The following TNR variants were observed in gnomAD, a reference collection of about 807,000 sequenced individuals.
The protein encoded by TNR is tenascin R, also known as tenascin-R.
In TNR, 45 loss-of-function variants were observed where a neutral mutation model predicts 150.4. The ratio of observed to expected loss-of-function variants is 0.30; its 90% CI spans 0.24 to 0.38. The LOEUF (loss-of-function observed/expected upper bound fraction) is 0.38, where lower values mean the gene tolerates loss of function less well. TNR is among the 10% of genes least tolerant of loss of function. TNR has a pLI of 1.00. For missense variants in TNR, 1,544 were observed against 1,759.1 expected (o/e 0.88, Z 2.19); for synonymous variants, 687 against 678.4 (o/e 1.01, Z -0.20).
In TNR at chr1:175,583,796, C is replaced by T. The variant is rs80038761; in HGVS notation, c.-164-55427G>A. On this transcript the variant is annotated intron_variant, in intron 1 of 22. Transcript: ENST00000367674. ...TTTGAGACACAGAAAAGGGAAAGGA[C>T]ATCTCCAGTTGAGATAGTTCATGCA... 9.2e-3 allele frequency among the ~76,000 whole-genome samples: 1,402 copies of T among 152,328 alleles called. 25 individuals are homozygous for T. Among genetic ancestry groups the T allele is most frequent in the African/African-American group, 0.031 (1,278 of 41,572 alleles).
intron 1 of TNR, among the ~76,000 whole-genome samples, chr1:175,700,943 C>T (rs1377948020): frequency 6.6e-6 from 1 of 152,218 alleles, no homozygotes; most frequent in Non-Finnish European, 1.5e-5. Context: ...CTCAGGCCTG[C>T]CATCCAAATA....
intron 2 of TNR, among the ~76,000 whole-genome samples, chr1:175,485,476 A>G (rs1470816134): frequency 6.6e-6 from 1 of 152,216 alleles, no homozygotes; most frequent in African/African-American, 2.4e-5. Flanking sequence ...TGGGGTGGGC[A>G]CAGTCAGAGA....
chr1:175,355,460 C>T, intron 17 of TNR, 43 bp downstream of exon 17: 1 of 1,604,614 alleles, frequency 6.2e-7, no homozygotes, highest in South Asian at 1.1e-5. Context: ...CACATGGCCT[C>T]ACTTGGAAGA....
At position 175,381,570 on chromosome 1, in the gene TNR, C is replaced by T. The variant is rs548921455; in HGVS notation, c.1778-1833G>A. 5.3e-5 allele frequency among the ~76,000 whole-genome samples: 8 copies of T among 152,270 alleles called. No homozygotes were observed. In the East Asian group the frequency reaches 1.5e-3, roughly 29 times the overall value. On this transcript the variant is annotated intron_variant, in intron 8 of 22. Coordinates refer to ENST00000367674, the MANE Select transcript of TNR (RefSeq NM_003285.3). Reference sequence around the variant, plus strand: ...AGGACAAGGTGAAATTGTTTGCTCCCTCTGGCCTTGAAGTCTGACCTCTAG... The same window carrying T: ...AGGACAAGGTGAAATTGTTTGCTCCTTCTGGCCTTGAAGTCTGACCTCTAG...
chr1:175,633,541 G>T (rs1161341584), intron 1 of TNR, among the ~76,000 whole-genome samples: 1 of 152,096 alleles, frequency 6.6e-6, no homozygotes, highest in Admixed American at 6.5e-5. Flanking sequence ...TTTCAAGGTG[G>T]CATATGTAAT....
intron 1 of TNR, among the ~76,000 whole-genome samples, chr1:175,710,580 C>G (rs1001221404): frequency 4.6e-5 from 7 of 152,190 alleles, no homozygotes; most frequent in Non-Finnish European, 8.8e-5. Flanking sequence ...ACAGAGCCCT[C>G]CAGACAGCCC....
chr1:175,443,876 TCCC>T (rs1655910153), intron 2 of TNR, among the ~76,000 whole-genome samples: 1 of 152,200 alleles, frequency 6.6e-6, no homozygotes, highest in Admixed American at 6.5e-5. Flanking sequence ...AATTTTACTG[TCCC>T]TACAAATGCT....
intron 9 of TNR, among the ~76,000 whole-genome samples, chr1:175,371,068 G>A (rs1344672624): frequency 6.2e-5 from 9 of 145,852 alleles, no homozygotes; most frequent in South Asian, 2.2e-4. Flanking sequence ...AGTTCTGCTG[G>A]AAAAAAAAAA....
intron 1 of TNR, among the ~76,000 whole-genome samples, chr1:175,554,781 T>C (rs1224138674): frequency 2.6e-5 from 4 of 152,214 alleles, no homozygotes; most frequent in Non-Finnish European, 5.9e-5. Context: ...TAGTTGTTTC[T>C]TCCATTGTGA....
chr1:175,431,911 A>ATCTCTCTCTCTCTCTCTCCTTCTCTC (rs1553221256), intron 2 of TNR, among the ~76,000 whole-genome samples: 1 of 136,374 alleles, frequency 7.3e-6, no homozygotes, highest in Non-Finnish European at 1.5e-5. Context: ...GGACCATAAT[A>ATCTCTCTCTCTCTCTCTCCTTCTCTC]TCTCTCTCTC....
At position 175,674,809 on chromosome 1, in the gene TNR, G is replaced by C. The variant is rs926219434; in HGVS notation, c.-165+68417C>G. On this transcript the variant is annotated intron_variant, in intron 1 of 22. Transcript: ENST00000367674. ...CCCTTGACAGAGAGGAGAGGACCAGGCCCCCCAGCATCAATCTGCTGGACT... is the reference window on the plus strand; with the variant it reads ...CCCTTGACAGAGAGGAGAGGACCAGCCCCCCCAGCATCAATCTGCTGGACT... Among the ~76,000 whole-genome samples, 4 of 152,096 alleles carry C rather than the reference G, an allele frequency of 2.6e-5. 1 individual carries two copies. Among genetic ancestry groups the C allele is most frequent in the Admixed American group, 2.6e-4 (4 of 15,268 alleles).
intron 2 of TNR, among the ~76,000 whole-genome samples, chr1:175,439,040 G>T (rs1157335341): frequency 6.6e-6 from 1 of 152,104 alleles, no homozygotes; most frequent in Non-Finnish European, 1.5e-5. Flanking sequence ...AGTTCATATG[G>T]AACAAAAAAT....
chr1:175,531,971 C>T (rs1364368155), intron 1 of TNR, among the ~76,000 whole-genome samples: 1 of 152,178 alleles, frequency 6.6e-6, no homozygotes, highest in African/African-American at 2.4e-5. Context: ...AGATTTTTCT[C>T]CAGGGCTTTG....
intron 2 of TNR, among the ~76,000 whole-genome samples, chr1:175,471,383 A>G (rs1657281988): frequency 6.6e-6 from 1 of 152,212 alleles, no homozygotes; most frequent in Non-Finnish European, 1.5e-5. Context: ...TGTGAACATC[A>G]TAGAATGCAC....
At chr1:175,656,196 G>GTAT (rs1571720618) in intron 1 of TNR, among the ~76,000 whole-genome samples, 1 of 145,706 alleles carries the variant, frequency 6.9e-6, no homozygotes, top group Non-Finnish European at 1.5e-5. Context: ...GTGTGTATGT[G>GTAT]GTCTACCTTT....
At chr1:175,510,608 G>A (rs1485966272) in intron 2 of TNR, among the ~76,000 whole-genome samples, 2 of 152,226 alleles carry the variant, frequency 1.3e-5, no homozygotes, top group Non-Finnish European at 2.9e-5. Context: ...ACTACAAGCT[G>A]TTGAAAAACT....
At chr1:175,387,342 C>A (rs1423018986) in intron 7 of TNR, among the ~76,000 whole-genome samples, 1 of 152,180 alleles carries the variant, frequency 6.6e-6, no homozygotes, top group Non-Finnish European at 1.5e-5. Flanking sequence ...TGTTAATATT[C>A]TTTAAGGATT....
chr1:175,573,885 G>T (rs929526198), intron 1 of TNR, among the ~76,000 whole-genome samples: 2 of 152,194 alleles, frequency 1.3e-5, no homozygotes, highest in African/African-American at 4.8e-5. Flanking sequence ...CTTGGTCAGA[G>T]ATGCTAGAAA....
At chr1:175,352,921 G>A (rs1651123962) in intron 18 of TNR, among the ~76,000 whole-genome samples, 1 of 152,166 alleles carries the variant, frequency 6.6e-6, no homozygotes, top group Admixed American at 6.5e-5. Context: ...GTGGGGCTGG[G>A]GGACTTTCTC....
Sources: allele counts gnomAD v4.1 joint callset (sites outside exome capture counted in the v4.1 genomes callset), GRCh38; gene constraint gnomAD v4.1.1; transcripts MANE v1.5; gene names NCBI Gene and HGNC (gene_info 2026-07-23, HGNC 2026-07-21).